Variants in RRP12 observed in about 807,000 individuals in gnomAD.
RRP12 encodes ribosomal RNA processing 12 homolog, also known as RRP12-like protein.
RRP12 carries 78 observed loss-of-function variants against 157.3 expected under a neutral mutation model. That is an observed-to-expected ratio of 0.50 (90% CI 0.41 to 0.60). The LOEUF is 0.60. RRP12 is among the 20% of genes least tolerant of loss of function. RRP12 has a pLI of 0.00. For missense variants in RRP12, 1,521 were observed against 1,679.9 expected (o/e 0.91, Z 1.65); for synonymous variants, 726 against 670.9 (o/e 1.08, Z -1.27).
intron 4 of RRP12, among the ~76,000 whole-genome samples, chr10:97,391,199 C>T (rs1366603345): frequency 6.6e-6 from 1 of 152,218 alleles, no homozygotes; most frequent in Non-Finnish European, 1.5e-5. Flanking sequence ...CACTCACACT[C>T]CCTGGTATAA....
intron 18 of RRP12, 48 bp from the exon 19 acceptor site, chr10:97,372,851 G>C: frequency 6.5e-7 from 1 of 1,529,740 alleles, no homozygotes; most frequent in Admixed American, 2.0e-5. Context: ...GGGGAGGAGC[G>C]AAAGAAAGCA....
intron 10 of RRP12, among the ~76,000 whole-genome samples, chr10:97,383,356 T>C (rs1212795262): frequency 6.6e-6 from 1 of 152,228 alleles, no homozygotes; most frequent in African/African-American, 2.4e-5. Context: ...TCATCAGGGC[T>C]GTGTGACTAG....
In RRP12 at chr10:97,401,317, G is replaced by A. The variant is rs1845143345; in HGVS notation, c.-86C>T. 4 of 1,523,282 alleles carry A rather than the reference G, an allele frequency of 2.6e-6. No individual in the cohort carries two copies. The highest frequency in any genetic ancestry group is 1.8e-5 in the Admixed American group (1 of 54,090). The allele number at this position is 1,523,282 out of a possible 1,614,324, so 94.4% of individuals were successfully genotyped here. A position where few individuals can be genotyped will look rare whatever the true frequency, so the allele number is the denominator to read the frequency against. ...CGCTCAGAACCCACGTGGATACCCT[G>A]TAGCCTTCACTTCCTCTTCTTCTGG... On this transcript the variant is annotated 5_prime_UTR_variant, in exon 1 of 34. Coordinates refer to ENST00000370992, the MANE Select transcript of RRP12 (RefSeq NM_015179.4).
At chr10:97,396,344 C>T (rs1589442805) in intron 2 of RRP12, 43 bp from the exon 3 acceptor site, 2 of 1,495,442 alleles carry the variant, frequency 1.3e-6, no homozygotes, top group South Asian at 1.1e-5. Flanking sequence ...TTAGACCTAA[C>T]CCCACCCCAG....
chr10:97,378,558 T>C (rs1844373786), intron 15 of RRP12, among the ~76,000 whole-genome samples: 1 of 152,140 alleles, frequency 6.6e-6, no homozygotes, highest in South Asian at 2.1e-4. Flanking sequence ...TATATACTCA[T>C]ATATATAAAT....
intron 2 of RRP12, among the ~76,000 whole-genome samples, chr10:97,396,649 A>G (rs1443072160): frequency 6.6e-6 from 1 of 152,214 alleles, no homozygotes; most frequent in Non-Finnish European, 1.5e-5. Context: ...AATGTACTGC[A>G]GTTATCGAGG....
intron 31 of RRP12, among the ~76,000 whole-genome samples, chr10:97,360,310 C>T (rs1457459666): frequency 6.6e-6 from 1 of 152,152 alleles, no homozygotes; most frequent in East Asian, 1.9e-4. Context: ...CAGGGCTCCT[C>T]AGAAGGCTGG....
chr10:97,386,111 C>A, intron 8 of RRP12, 118 bp from the exon 9 acceptor site: 1 of 642,852 alleles, frequency 1.6e-6, no homozygotes, highest in Non-Finnish European at 2.8e-6. Context: ...CACATGCCCC[C>A]CACACAGAGA....
chr10:97,365,879 A>G, intron 29 of RRP12: 1 of 569,180 alleles, frequency 1.8e-6, no homozygotes, highest in Non-Finnish European at 3.1e-6. Context: ...GGGAAGTACC[A>G]TTTCCGATAG....
rs11290358 is a variant in RRP12 at position 97,382,764 on chromosome 10, A to AT, written c.1209-939dup. 2.5e-3 allele frequency among the ~76,000 whole-genome samples: 360 copies of AT among 142,336 alleles called. 3 individuals are homozygous for AT. Among genetic ancestry groups the AT allele is most frequent in the Admixed American group, 7.1e-3 (101 of 14,198 alleles). 93.4% of individuals were successfully genotyped at this position (142,336 alleles called of 152,430 possible). On this transcript the variant is annotated intron_variant, in intron 10 of 33. Transcript: ENST00000370992. Reference sequence around the variant, plus strand: ...ACATACAACCACTTTGACTGTTTCTATTTTTTTTTTTTTTTGAGATAGGGT... The same window carrying AT: ...ACATACAACCACTTTGACTGTTTCTATTTTTTTTTTTTTTTTGAGATAGGGT...
chr10:97,400,258 T>A (rs1845102464), intron 2 of RRP12, 47 bp downstream of exon 2: 8 of 1,403,148 alleles, frequency 5.7e-6, no homozygotes, highest in Non-Finnish European at 8.1e-6. Flanking sequence ...AAGGCATGAG[T>A]TGGCCTCTCC....
chr10:97,370,620 G>A lies in RRP12; in HGVS notation c.2584-60C>T, dbSNP rs1324033376. On this transcript the variant is annotated intron_variant, in intron 22 of 33. Coordinates refer to ENST00000370992, the MANE Select transcript of RRP12 (RefSeq NM_015179.4). ...GAGCCATCTGCCCGGGAAGCGAATC[G>A]AGTCCTCCCACTCCCATCACTGCCC... 8.2e-6 allele frequency: 13 copies of A among 1,583,092 alleles called. No homozygotes were observed. The East Asian group carries it at 1.1e-4, about 14-fold the overall frequency.
In RRP12 at chr10:97,370,769, C is replaced by A. The variant is rs779173150; in HGVS notation, c.2530G>T (p.Val844Leu). ...RPRLKCLLHIVRKLSAEHKEF... is the reference protein window; with the variant it reads ...RPRLKCLLHILRKLSAEHKEF... ...TTGTGTTCAGCTGAGAGCTTCCTCA[C>A]GATGTGTAGGAGGCACTTCAAACGG... The change falls in exon 22 of 34, where the codon GTG becomes TTG. Residue 844 changes from valine to leucine, a missense_variant. By Grantham distance (32) the Val-to-Leu change is conservative. Transcript: ENST00000370992. The A allele has an allele frequency of 6.2e-7, 1 of 1,613,962 alleles. No homozygotes were observed. The highest frequency in any genetic ancestry group is 8.5e-7 in the Non-Finnish European group (1 of 1,179,988).
At chr10:97,358,880 C>T (rs1843775459) in intron 32 of RRP12, 63 bp downstream of exon 32, 2 of 1,367,132 alleles carry the variant, frequency 1.5e-6, no homozygotes, top group East Asian at 2.3e-5. Context: ...CACAGCTCCT[C>T]CTTGCCCCTC....
Position 97,373,568 on chromosome 10 carries a change from C to T in RRP12, c.2026+7G>A, listed in dbSNP as rs760755621. The T allele has an allele frequency of 2.5e-6, 4 of 1,591,236 alleles. No individual in the cohort carries two copies. The highest frequency in any genetic ancestry group is 3.4e-6 in the Non-Finnish European group (4 of 1,166,102). On this transcript the variant is annotated splice_region_variant and intron_variant, in intron 17 of 33. Coordinates refer to ENST00000370992, the MANE Select transcript of RRP12 (RefSeq NM_015179.4). Reference sequence around the variant, plus strand: ...CCCCAGCCCCCACTCCCACAGCCCACACGTACCTGCCTGGCAGCCCTTGGT... The same window carrying T: ...CCCCAGCCCCCACTCCCACAGCCCATACGTACCTGCCTGGCAGCCCTTGGT...
intron 15 of RRP12, among the ~76,000 whole-genome samples, chr10:97,377,844 CA>C (rs57212325): frequency 2.2e-3 from 108 of 48,792 alleles, no homozygotes; most frequent in Non-Finnish European, 2.4e-3. Flanking sequence ...GACTTCATCT[CA>C]AAAAAAAAAA....
intron 6 of RRP12, among the ~76,000 whole-genome samples, chr10:97,389,314 C>T (rs370897895): frequency 7.9e-5 from 12 of 152,088 alleles, no homozygotes; most frequent in African/African-American, 1.9e-4. Context: ...AGGATGGTCT[C>T]GATCTCCTGA....
rs772355278 is a variant in RRP12, at chr10:97,366,535, G to A, written c.3302C>T (p.Ala1101Val). ...RSRGKEQRKLARQRSRAWLKE... is the reference protein window; with the variant it reads ...RSRGKEQRKLVRQRSRAWLKE... ...CAGCCATGCCCGGCTCCTCTGTCGT[G>A]CCAGCTTCCGCTGCTCCTTGCCTCG... The change falls in exon 28 of 34, where the codon GCA becomes GTA. Residue 1101 changes from alanine to valine, a missense_variant. Physicochemically the swap from Ala to Val is moderately conservative, Grantham distance 64. Coordinates refer to ENST00000370992, the MANE Select transcript of RRP12 (RefSeq NM_015179.4). The A allele has an allele frequency of 1.2e-6, 2 of 1,614,042 alleles. No individual in the cohort carries two copies. The highest frequency in any genetic ancestry group is 4.5e-5 in the East Asian group (2 of 44,872).
At chr10:97,360,695 G>A in intron 30 of RRP12, 77 bp from the exon 31 acceptor site, 4 of 1,075,716 alleles carry the variant, frequency 3.7e-6, no homozygotes, top group Non-Finnish European at 2.9e-6. Context: ...AGTAACAGCA[G>A]AGTACCCTGC....
Sources: gnomAD v4.1 joint callset for allele counts (sites outside exome capture counted in the v4.1 genomes callset) on GRCh38, gnomAD v4.1.1 for gene constraint, MANE v1.5 for transcripts, NCBI Gene and HGNC (gene_info 2026-07-23, HGNC 2026-07-21) for gene names.